TERF2: variants seen among roughly 807,000 people sequenced by gnomAD.
The protein encoded by TERF2 is telomeric repeat binding factor 2.
Under a neutral mutation model 56.1 loss-of-function variants are expected in TERF2, and 16 were observed. That is an observed-to-expected ratio of 0.29 (90% CI 0.19 to 0.43). The LOEUF is 0.43. Among genes scored for constraint, TERF2 ranks in the 20% least tolerant of loss-of-function variants. The pLI is 1.00. For missense variants in TERF2, 547 were observed against 712.9 expected (o/e 0.77, Z 2.65); for synonymous variants, 296 against 282.1 (o/e 1.05, Z -0.50).
At chr16:69,385,312 A>C in intron 2 of TERF2, 79 bp downstream of exon 2, 7 of 1,208,362 alleles carry the variant, frequency 5.8e-6, no homozygotes, top group South Asian at 2.5e-5. Flanking sequence ...TTAACCTGGA[A>C]TCCTTCAGTT....
In TERF2 at chr16:69,357,003, C is replaced by T; in HGVS notation, c.1524G>A (p.Gly508=). The T allele has an allele frequency of 1.2e-6, 2 of 1,613,912 alleles. No individual in the cohort carries two copies. The highest frequency in any genetic ancestry group is 1.7e-6 in the Non-Finnish European group (2 of 1,179,958). Residue 508 remains glycine, a synonymous_variant, in exon 10 of 10, where the codon GGG becomes GGA. Transcript: ENST00000254942. ...EWVKAGVQKY[G]EGNWAAISKN... is the part of the protein sequence containing the mutation. ...TAGAAATGGCAGCCCAGTTTCCTTC[C>T]CCATATTTCTGCACTCCAGCCTTGA...
chr16:69,383,614 T>C (rs1567457219), intron 3 of TERF2, among the ~76,000 whole-genome samples: 1 of 152,360 alleles, frequency 6.6e-6, no homozygotes, highest in Non-Finnish European at 1.5e-5. Context: ...AGACCAAAAG[T>C]AGTATCTGCC....
chr16:69,370,744 A>G (rs1243178065), intron 4 of TERF2, 115 bp from the exon 5 acceptor site: 1 of 1,022,174 alleles, frequency 9.8e-7, no homozygotes, highest in Admixed American at 2.5e-5. Flanking sequence ...AATGCAAATC[A>G]CTGGCACACA....
chr16:69,370,657 T>C (rs752050524), intron 4 of TERF2, 28 bp from the exon 5 acceptor site: 1 of 1,577,344 alleles, frequency 6.3e-7, no homozygotes, highest in Admixed American at 1.8e-5. Flanking sequence ...ATTTGCAACA[T>C]GAGAAAGTAG....
At chr16:69,357,647 G>C in intron 8 of TERF2, 86 bp from the exon 9 acceptor site, 1 of 1,494,042 alleles carries the variant, frequency 6.7e-7, no homozygotes, top group South Asian at 1.2e-5. Flanking sequence ...GTCCCCAAAG[G>C]GAAAACTTCT....
intron 5 of TERF2, among the ~76,000 whole-genome samples, chr16:69,369,007 T>TGTATAGAATTTTTATAA (rs1431669979): frequency 3.3e-5 from 5 of 152,090 alleles, no homozygotes; most frequent in Non-Finnish European, 7.4e-5. Context: ...TTCCAGTTTG[T>TGTATAGAATTTTTATAA]GTATAGAATT....
At chr16:69,378,501 A>G (rs1330338513) in intron 3 of TERF2, among the ~76,000 whole-genome samples, 1 of 152,182 alleles carries the variant, frequency 6.6e-6, no homozygotes, top group Non-Finnish European at 1.5e-5. Flanking sequence ...ACCATCTCTG[A>G]CCCTTGAGAG....
At chr16:69,364,323 G>T (rs955449151) in intron 7 of TERF2, among the ~76,000 whole-genome samples, 1 of 152,074 alleles carries the variant, frequency 6.6e-6, no homozygotes, top group Non-Finnish European at 1.5e-5. Context: ...TCCCTGAGTG[G>T]GGTCTCATCA....
In TERF2 at chr16:69,385,908, C is replaced by A; in HGVS notation, c.64G>T (p.Ala22Ser). The change falls in exon 1 of 10, where the codon GCG (alanine) becomes TCG (serine). Residue 22 changes from alanine (A) to serine (S), a missense_variant. Transcript: ENST00000254942. The stretch of plus-strand genomic sequence containing the variant: ...CCGGGCCGCTTCCTCGGCTGTGACG[C>A]CGCTGGGTCACGCACGACGCCCGGG... ...SGPGVVRDPA[A>S]SQPRKRPGRE... is the part of the protein sequence containing the mutation. 7.2e-7 allele frequency: 1 copy of A among 1,393,918 alleles called. No individual in the cohort carries two copies. Among genetic ancestry groups the A allele is most frequent in the Admixed American group, 3.0e-5 (1 of 33,046 alleles). 86.3% of individuals were successfully genotyped at this position (1,393,918 alleles called of 1,614,324 possible).
intron 3 of TERF2, among the ~76,000 whole-genome samples, chr16:69,376,498 T>C (rs1212861172): frequency 2.6e-5 from 4 of 152,144 alleles, no homozygotes; most frequent in Non-Finnish European, 4.4e-5. Flanking sequence ...TTTGGTTATT[T>C]AAATTCCTTT....
At chr16:69,358,450 C>A (rs1439839001) in intron 8 of TERF2, among the ~76,000 whole-genome samples, 1 of 152,198 alleles carries the variant, frequency 6.6e-6, no homozygotes, top group Non-Finnish European at 1.5e-5. Context: ...CTGGCCCCAA[C>A]ATCGTTTTCT....
chr16:69,370,053 C>T (rs571065201), intron 5 of TERF2, among the ~76,000 whole-genome samples: 4 of 152,194 alleles, frequency 2.6e-5, no homozygotes, highest in South Asian at 2.1e-4. Flanking sequence ...TTTTTTGAGA[C>T]GGAGTCTTGC....
rs2014195272 is a variant in TERF2 at position 69,385,984 on chromosome 16, GT to G, written c.-14del. 2.3e-6 allele frequency: 3 copies of G among 1,316,294 alleles called. No homozygotes were observed. Among genetic ancestry groups the G allele is most frequent in the Non-Finnish European group, 2.9e-6 (3 of 1,034,342 alleles). 81.5% of individuals were successfully genotyped at this position (1,316,294 alleles called of 1,614,324 possible). ...CTCCCGCGGCCATGATAGAAACAGC[GT>G]TCCGAGCCGCCCGCGGGCTTCTGGG... On this transcript the variant is annotated 5_prime_UTR_variant, in exon 1 of 10. Transcript: ENST00000254942.
rs1263736508 is a variant in TERF2 at position 69,373,820 on chromosome 16, G to A, written c.607-1465C>T. The stretch of plus-strand genomic sequence containing the variant: ...TGCACTCCAGCTTGGGCGAAAGAGC[G>A]ATACCCCGTCTCAAAACAAACAATA... On this transcript the variant is annotated intron_variant, in intron 3 of 9. Coordinates refer to ENST00000254942, the MANE Select transcript of TERF2 (RefSeq NM_005652.5). Among the ~76,000 whole-genome samples the A allele has an allele frequency of 5.3e-5, 8 of 152,162 alleles. 1 individual carries two copies. In the South Asian group the frequency reaches 1.4e-3, roughly 28 times the overall value.
chr16:69,367,446 G>A (rs1317864184), intron 6 of TERF2, among the ~76,000 whole-genome samples: 1 of 152,080 alleles, frequency 6.6e-6, no homozygotes, highest in Non-Finnish European at 1.5e-5. Flanking sequence ...AGGATACAGT[G>A]GCACAAACAC....
At chr16:69,379,965 G>A (rs2013934768) in intron 3 of TERF2, among the ~76,000 whole-genome samples, 1 of 152,052 alleles carries the variant, frequency 6.6e-6, no homozygotes. Flanking sequence ...AGGCTGGAGT[G>A]CAGTGATGTG....
intron 3 of TERF2, among the ~76,000 whole-genome samples, chr16:69,372,726 C>T (rs2013623314): frequency 6.6e-6 from 1 of 152,134 alleles, no homozygotes; most frequent in Non-Finnish European, 1.5e-5. Context: ...CGCGCCACTG[C>T]ACTCCAGCCT....
Position 69,356,864 on chromosome 16 carries a change from GCTC to G in TERF2, c.*31_*33del. 6.3e-7 allele frequency: 1 copy of G among 1,581,834 alleles called. No homozygotes were observed. The highest frequency in any genetic ancestry group is 1.7e-4 in the Middle Eastern group (1 of 5,900). ...ATCAGGGGCTATTATTAGGAACCAT[GCTC>G]CTGTGAATTCTGTGGAAATGAAAGC... On this transcript the variant is annotated 3_prime_UTR_variant, in exon 10 of 10. Coordinates refer to ENST00000254942, the MANE Select transcript of TERF2 (RefSeq NM_005652.5).
Position 69,385,815 on chromosome 16 carries a change from T to C in TERF2, c.157A>G (p.Ser53Gly). The change falls in exon 1 of 10, where the codon AGC (serine) becomes GGC (glycine). Residue 53 changes from serine to glycine, a missense_variant. By Grantham distance (56) the Ser-to-Gly change is moderately conservative (BLOSUM62 0). Around this residue, in one of 6 missense-constraint regions of TERF2, gnomAD observed 120 missense variants for 172.4 expected, o/e 0.70. Coordinates refer to ENST00000254942, the MANE Select transcript of TERF2 (RefSeq NM_005652.5). ...MAGGGGSSDGSGRAAGRRASR... is the reference protein window; with the variant it reads ...MAGGGGSSDGGGRAAGRRASR... ...GCCCGCCTGCCAGCTGCCCGCCCGC[T>C]GCCGTCGCTACTCCCGCCTCCTCCC... 7.6e-7 allele frequency: 1 copy of C among 1,314,978 alleles called. No homozygotes were observed. 81.5% of individuals were successfully genotyped at this position (1,314,978 alleles called of 1,614,324 possible).
Sources: allele counts gnomAD v4.1 joint callset (sites outside exome capture counted in the v4.1 genomes callset), GRCh38; gene constraint gnomAD v4.1.1; regional missense constraint gnomAD v4.1.1; transcripts MANE v1.5; gene names NCBI Gene and HGNC (gene_info 2026-07-23, HGNC 2026-07-21).